The following ALCAM variants were observed in gnomAD, a reference collection of about 807,000 sequenced individuals.
ALCAM encodes CD166 antigen.
Under a neutral mutation model 70.9 loss-of-function variants are expected in ALCAM, and 30 were observed. That is an observed-to-expected ratio of 0.42 (90% CI 0.32 to 0.57). The LOEUF is 0.57. Ranked by LOEUF, ALCAM falls within the 20% of genes least tolerant of loss-of-function variation. ALCAM has a pLI of 0.11. For synonymous variants in ALCAM, 249 were observed against 242.5 expected (o/e 1.03, Z -0.25); for missense variants, 591 against 695.1 (o/e 0.85, Z 1.68).
chr3:105,441,520 G>A, intron 1 of ALCAM, among the ~76,000 whole-genome samples: 1 of 152,170 alleles, frequency 6.6e-6, no homozygotes, highest in East Asian at 1.9e-4. Flanking sequence ...TGGATTTTTA[G>A]TAGGAAACAT....
At chr3:105,455,500 T>C (rs1335665591) in intron 1 of ALCAM, among the ~76,000 whole-genome samples, 4 of 148,154 alleles carry the variant, frequency 2.7e-5, no homozygotes, top group Non-Finnish European at 6.0e-5. Flanking sequence ...GTTCAAAATA[T>C]AAACAGGTAA....
intron 1 of ALCAM, among the ~76,000 whole-genome samples, chr3:105,372,119 AT>A (rs1935251287): frequency 6.6e-6 from 1 of 152,100 alleles, no homozygotes; most frequent in Admixed American, 6.5e-5. Flanking sequence ...TATACTTTTG[AT>A]TACTTTTTTT....
At chr3:105,573,908 C>T (rs985342872) in intron 15 of ALCAM, among the ~76,000 whole-genome samples, 26 of 152,090 alleles carry the variant, frequency 1.7e-4, no homozygotes, top group African/African-American at 6.3e-4. Flanking sequence ...ATAATTGAAA[C>T]AAGACTTGGT....
At chr3:105,524,053 TG>T (rs1939624208) in intron 2 of ALCAM, among the ~76,000 whole-genome samples, 1 of 152,004 alleles carries the variant, frequency 6.6e-6, no homozygotes, top group Non-Finnish European at 1.5e-5. Context: ...ATCTTCTCAA[TG>T]AAAAAAAAAT....
At chr3:105,444,832 T>C (rs1367206588) in intron 1 of ALCAM, among the ~76,000 whole-genome samples, 1 of 152,136 alleles carries the variant, frequency 6.6e-6, no homozygotes, top group Non-Finnish European at 1.5e-5. Context: ...TATATGATAA[T>C]AAATAATGAC....
chr3:105,573,174 A>G (rs1940892794), intron 15 of ALCAM, among the ~76,000 whole-genome samples: 1 of 152,082 alleles, frequency 6.6e-6, no homozygotes, highest in Non-Finnish European at 1.5e-5. Flanking sequence ...TAAAAATACA[A>G]AAATTAGCCA....
chr3:105,436,816 A>G (rs1053134758), intron 1 of ALCAM, among the ~76,000 whole-genome samples: 1 of 152,192 alleles, frequency 6.6e-6, no homozygotes, highest in Admixed American at 6.5e-5. Context: ...CCTGAACTGC[A>G]TAAACTGAGT....
At chr3:105,422,045 T>C in intron 1 of ALCAM, among the ~76,000 whole-genome samples, 1 of 151,448 alleles carries the variant, frequency 6.6e-6, no homozygotes, top group East Asian at 1.9e-4. Context: ...TGTATGCTTT[T>C]GCATACTCAC....
intron 1 of ALCAM, among the ~76,000 whole-genome samples, chr3:105,410,040 T>C (rs1325385528): frequency 2.0e-5 from 3 of 152,216 alleles, no homozygotes; most frequent in African/African-American, 7.2e-5. Flanking sequence ...ACGCTTGCTG[T>C]TGTACATTCT....
intron 4 of ALCAM, among the ~76,000 whole-genome samples, chr3:105,532,587 C>T (rs757132902): frequency 8.6e-5 from 13 of 151,880 alleles, no homozygotes; most frequent in Non-Finnish European, 1.8e-4. Flanking sequence ...CCATTGTGGA[C>T]GACAGAGCCA....
chr3:105,397,013 C>T (rs1470022965), intron 1 of ALCAM, among the ~76,000 whole-genome samples: 3 of 151,898 alleles, frequency 2.0e-5, no homozygotes, highest in Admixed American at 1.3e-4. Context: ...TTTTGCGAGG[C>T]TATATCAATT....
intron 7 of ALCAM, among the ~76,000 whole-genome samples, chr3:105,540,788 T>A (rs925988356): frequency 6.6e-6 from 1 of 152,066 alleles, no homozygotes; most frequent in Non-Finnish European, 1.5e-5. Context: ...ATACTGCATT[T>A]ACTGCAGGGT....
At chr3:105,444,475 G>T (rs964855323) in intron 1 of ALCAM, among the ~76,000 whole-genome samples, 2 of 147,792 alleles carry the variant, frequency 1.4e-5, no homozygotes, top group African/African-American at 2.5e-5. Flanking sequence ...TGCCCACTTG[G>T]TCCCTCCCTC....
intron 1 of ALCAM, among the ~76,000 whole-genome samples, chr3:105,386,690 C>T (rs889636396): frequency 4.6e-5 from 7 of 150,696 alleles, no homozygotes; most frequent in Non-Finnish European, 8.9e-5. Context: ...GTAATTGTTT[C>T]CTTAGTGAAT....
intron 2 of ALCAM, among the ~76,000 whole-genome samples, chr3:105,521,286 C>A (rs1226303096): frequency 1.8e-5 from 2 of 111,444 alleles, no homozygotes; most frequent in Non-Finnish European, 3.3e-5. Context: ...CCGGCCTGGG[C>A]GACAGAGCGA....
intron 1 of ALCAM, among the ~76,000 whole-genome samples, chr3:105,392,446 TTTGA>T (rs1223583388): frequency 6.6e-6 from 1 of 151,838 alleles, no homozygotes; most frequent in Non-Finnish European, 1.5e-5. Flanking sequence ...ATTATGTCTG[TTTGA>T]TTGTTCTCTC....
At chr3:105,400,290 A>G (rs1936057241) in intron 1 of ALCAM, among the ~76,000 whole-genome samples, 1 of 152,176 alleles carries the variant, frequency 6.6e-6, no homozygotes, top group Non-Finnish European at 1.5e-5. Flanking sequence ...ATACTTTACT[A>G]TTAGGTTTTG....
intron 1 of ALCAM, among the ~76,000 whole-genome samples, chr3:105,490,848 C>A (rs1412857907): frequency 3.3e-5 from 5 of 152,144 alleles, no homozygotes; most frequent in African/African-American, 4.8e-5. Flanking sequence ...CTTTTCTCGG[C>A]ACACAGTGCA....
chr3:105,423,001 A>C (rs1936706151), intron 1 of ALCAM, among the ~76,000 whole-genome samples: 1 of 151,506 alleles, frequency 6.6e-6, no homozygotes, highest in South Asian at 2.1e-4. Flanking sequence ...ATTTTACTGG[A>C]ATCTTCTAAT....
Sources: allele counts gnomAD v4.1 joint callset (sites outside exome capture counted in the v4.1 genomes callset), GRCh38; gene constraint gnomAD v4.1.1; transcripts MANE v1.5; gene names NCBI Gene and HGNC (gene_info 2026-07-23, HGNC 2026-07-21).